TMEM230: variants seen among roughly 807,000 people sequenced by gnomAD.
TMEM230 encodes the protein UPF0414 transmembrane protein C20orf30.
Under a neutral mutation model 15.8 loss-of-function variants are expected in TMEM230, and 10 were observed. The observed-to-expected ratio is 0.63, with a 90% CI of 0.39 to 1.07. The LOEUF is 1.07. Ranked by LOEUF, TMEM230 falls within the 50% of genes least tolerant of loss-of-function variation. The pLI is 0.01. For synonymous variants in TMEM230, 67 were observed against 76.9 expected, an observed-to-expected ratio of 0.87 and a Z score of 0.68; for missense variants, 165 against 193.3, an observed-to-expected ratio of 0.85 and a Z score of 0.87.
At chr20:5,089,105 T>C (rs902566567) in intron 3 of TMEM230, among the ~76,000 whole-genome samples, 2 of 152,220 alleles carry the variant, frequency 1.3e-5, no homozygotes, top group Non-Finnish European at 1.5e-5. Flanking sequence ...CTGGGTGTGG[T>C]GGCTCACGCC....
rs757823544 is a variant in TMEM230, at chr20:5,113,056, C to G, written c.-28G>C. Reference sequence around the variant, plus strand: ...CATGGCCCGCTTAAGTGCCACTCAGCCGGCCCCAGGCGGGATCAGTGCGCC... The same window carrying G: ...CATGGCCCGCTTAAGTGCCACTCAGGCGGCCCCAGGCGGGATCAGTGCGCC... On this transcript the variant is annotated 5_prime_UTR_variant, in exon 1 of 5. Transcript: ENST00000342308. 4 of 1,542,390 alleles carry G rather than the reference C, an allele frequency of 2.6e-6. No homozygotes were observed. The highest frequency in any genetic ancestry group is 3.5e-6 in the Non-Finnish European group (4 of 1,146,182).
intron 3 of TMEM230, 129 bp downstream of exon 2, chr20:5,109,203 G>T: frequency 1.5e-6 from 1 of 677,166 alleles, no homozygotes; most frequent in Non-Finnish European, 2.5e-6. Flanking sequence ...GGGTCTCAGA[G>T]CTGAGTTTTC....
At chr20:5,066,872 C>G (rs991467614), downstream of TMEM230, among the ~76,000 whole-genome samples, 1 of 152,050 alleles carries the variant, frequency 6.6e-6, no homozygotes, top group Non-Finnish European at 1.5e-5. Context: ...CTCTGGCCCC[C>G]ACCCCTGGGG....
At chr20:5,102,229 C>T (rs2089900122) in intron 4 of TMEM230, among the ~76,000 whole-genome samples, 1 of 152,120 alleles carries the variant, frequency 6.6e-6, no homozygotes, top group Non-Finnish European at 1.5e-5. Flanking sequence ...GGTTTTTCTG[C>T]TGGAATCTGC....
At chr20:5,107,481 T>C (rs2090141630) in intron 3 of TMEM230, among the ~76,000 whole-genome samples, 2 of 152,242 alleles carry the variant, frequency 1.3e-5, no homozygotes, top group South Asian at 2.1e-4. Context: ...TCATTCACTC[T>C]AGTTCGAATC....
At chr20:5,071,098 T>A (rs1319822432) in intron 3 of TMEM230, among the ~76,000 whole-genome samples, 14 of 151,990 alleles carry the variant, frequency 9.2e-5, no homozygotes, top group Non-Finnish European at 2.9e-5. Context: ...TACTCAAGAG[T>A]CAGCTGATCA....
intron 3 of TMEM230, among the ~76,000 whole-genome samples, chr20:5,077,875 G>A (rs2089052739): frequency 6.6e-6 from 1 of 152,022 alleles, no homozygotes; most frequent in African/African-American, 2.4e-5. Context: ...ATCTTACTAG[G>A]GGAAATACTT....
At chr20:5,093,313 T>C (rs1310475403) in intron 3 of TMEM230, among the ~76,000 whole-genome samples, 1 of 152,060 alleles carries the variant, frequency 6.6e-6, no homozygotes, top group Non-Finnish European at 1.5e-5. Flanking sequence ...AGTGGTGCAA[T>C]TTTGGCTCAC....
At chr20:5,089,361 C>A (rs1007937211) in intron 3 of TMEM230, among the ~76,000 whole-genome samples, 2 of 142,500 alleles carry the variant, frequency 1.4e-5, no homozygotes, top group Non-Finnish European at 3.0e-5. Flanking sequence ...GGCAACAGAG[C>A]GAGAATCTGT....
chr20:5,099,169 C>A (rs958605473), downstream of TMEM230, among the ~76,000 whole-genome samples: 1 of 150,740 alleles, frequency 6.6e-6, no homozygotes, highest in Non-Finnish European at 1.5e-5. Context: ...CCAGCCTGGG[C>A]AGTAGAGCAA....
chr20:5,108,480 T>G (rs566068874), intron 3 of TMEM230, among the ~76,000 whole-genome samples: 1 of 152,022 alleles, frequency 6.6e-6, no homozygotes, highest in South Asian at 2.1e-4. Flanking sequence ...TGATTAGTTG[T>G]TTGTTCCACA....
chr20:5,088,046 C>T (rs552588542), intron 3 of TMEM230, among the ~76,000 whole-genome samples: 25 of 149,160 alleles, frequency 1.7e-4, no homozygotes, highest in Non-Finnish European at 3.3e-4. Flanking sequence ...TGGTGGCTCA[C>T]GCCTGTAATC....
intron 1 of TMEM230, chr20:5,111,838 C>CTT (rs368251336): frequency 9.5e-6 from 9 of 946,436 alleles, no homozygotes; most frequent in Non-Finnish European, 1.1e-5. Context: ...AATTGTTTTT[C>CTT]TTTTTTTTTG....
intron 4 of TMEM230, among the ~76,000 whole-genome samples, chr20:5,104,809 G>C (rs2090005541): frequency 1.3e-5 from 2 of 152,102 alleles, no homozygotes; most frequent in South Asian, 4.1e-4. Context: ...CTCATTTGCG[G>C]GAACTAAAAA....
chr20:5,091,413 G>A (rs2089503493), intron 3 of TMEM230, among the ~76,000 whole-genome samples: 2 of 152,068 alleles, frequency 1.3e-5, no homozygotes, highest in South Asian at 2.1e-4. Flanking sequence ...GTTTCACCAC[G>A]TTGGTCAGAC....
chr20:5,064,453 G>A (rs1600250279), downstream of TMEM230, among the ~76,000 whole-genome samples: 1 of 151,914 alleles, frequency 6.6e-6, no homozygotes, highest in African/African-American at 2.4e-5. Context: ...GGGCGTGGGT[G>A]TAATCCCAGC....
intron 3 of TMEM230, among the ~76,000 whole-genome samples, chr20:5,080,872 G>A (rs903719193): frequency 4.6e-5 from 7 of 152,160 alleles, no homozygotes; most frequent in African/African-American, 1.2e-4. Flanking sequence ...CAGATGAGGC[G>A]AGTGACACTC....
intron 3 of TMEM230, among the ~76,000 whole-genome samples, chr20:5,108,421 A>G (rs79554457): frequency 1.1e-5 from 1 of 92,652 alleles, no homozygotes; most frequent in East Asian, 2.1e-4. Flanking sequence ...CTCCGTCTCC[A>G]AAAAAAAAAA....
At chr20:5,106,702 C>T (rs532274349) in intron 3 of TMEM230, among the ~76,000 whole-genome samples, 63 of 152,200 alleles carry the variant, frequency 4.1e-4, no homozygotes, top group African/African-American at 1.5e-3. Context: ...CCACCGCGCC[C>T]GGCCTAATTT....
Sources: allele counts gnomAD v4.1 joint callset (sites outside exome capture counted in the v4.1 genomes callset), GRCh38; gene constraint gnomAD v4.1.1; transcripts MANE v1.5; gene names NCBI Gene and HGNC (gene_info 2026-07-23, HGNC 2026-07-21).